BNC2: variants seen among roughly 807,000 people sequenced by gnomAD.
BNC2 encodes the protein zinc finger protein basonuclin-2.
BNC2 carries 20 observed loss-of-function variants against 76.3 expected under a neutral mutation model. That is an observed-to-expected ratio of 0.26 (90% CI 0.18 to 0.38). The LOEUF is 0.38. Among genes scored for constraint, BNC2 ranks in the 10% least tolerant of loss-of-function variants. The pLI is 1.00. For synonymous variants in BNC2, 582 were observed against 514.8 expected (o/e 1.13, Z -1.77); for missense variants, 1,382 against 1,399.8 (o/e 0.99, Z 0.20).
At chr9:16,821,921 G>A (rs891403682) in intron 1 of BNC2, among the ~76,000 whole-genome samples, 3 of 152,050 alleles carry the variant, frequency 2.0e-5, no homozygotes, top group African/African-American at 4.8e-5. Context: ...GTGAAACCCT[G>A]TCTCTACTAA....
chr9:16,666,153 T>A (rs929385090), intron 3 of BNC2, among the ~76,000 whole-genome samples: 26 of 152,188 alleles, frequency 1.7e-4, no homozygotes, highest in Admixed American at 3.3e-4. Context: ...TCATGTGGGT[T>A]TTTTAGAATA....
At chr9:16,495,967 G>C (rs1191728418) in intron 5 of BNC2, among the ~76,000 whole-genome samples, 2 of 149,906 alleles carry the variant, frequency 1.3e-5, no homozygotes, top group Non-Finnish European at 3.0e-5. Flanking sequence ...GAAATGCAAT[G>C]GTGTGATCTT....
chr9:16,609,335 G>A (rs1032728820), intron 3 of BNC2, among the ~76,000 whole-genome samples: 3 of 152,024 alleles, frequency 2.0e-5, no homozygotes, highest in South Asian at 2.1e-4. Context: ...TTCCAATAGA[G>A]GGGGGGAAAC....
chr9:16,623,967 C>T (rs146434088), intron 3 of BNC2, among the ~76,000 whole-genome samples: 1 of 152,270 alleles, frequency 6.6e-6, no homozygotes, highest in Non-Finnish European at 1.5e-5. Context: ...TCATATTGAT[C>T]TCAAAAGATC....
chr9:16,439,258 A>C (rs1821079844), intron 5 of BNC2, among the ~76,000 whole-genome samples: 1 of 152,144 alleles, frequency 6.6e-6, no homozygotes, highest in Non-Finnish European at 1.5e-5. Flanking sequence ...ACATTGTAAA[A>C]ATTTTACAAC....
At chr9:16,704,681 T>G (rs77087722) in intron 3 of BNC2, 2 of 10,632 alleles carry the variant, frequency 1.9e-4, no homozygotes, top group South Asian at 2.3e-3. Flanking sequence ...AGAGAAATGG[T>G]TTTTTTTTTT....
chr9:16,573,835 A>T lies in BNC2; in HGVS notation c.433+9148T>A, dbSNP rs565954582. Among the ~76,000 whole-genome samples, 11 of 152,360 alleles carry T rather than the reference A, an allele frequency of 7.2e-5. No individual in the cohort carries two copies. In the South Asian group the frequency reaches 2.3e-3, roughly 32 times the overall value. Reference sequence around the variant, plus strand: ...TGCGAACTAATAACAAATTAATTCAAGAACCTTTTGAAGATATATAAACAT... The same window carrying T: ...TGCGAACTAATAACAAATTAATTCATGAACCTTTTGAAGATATATAAACAT... On this transcript the variant is annotated intron_variant, in intron 4 of 6. Coordinates refer to ENST00000380672, the MANE Select transcript of BNC2 (RefSeq NM_017637.6).
chr9:16,741,393 C>T (rs183972223), intron 1 of BNC2, among the ~76,000 whole-genome samples: 1 of 151,514 alleles, frequency 6.6e-6, no homozygotes, highest in Non-Finnish European at 1.5e-5. Flanking sequence ...GTGGAGGTTG[C>T]GGTGAGCCGA....
chr9:16,689,153 A>C (rs906154073), intron 3 of BNC2, among the ~76,000 whole-genome samples: 1 of 138,372 alleles, frequency 7.2e-6, no homozygotes, highest in Non-Finnish European at 1.5e-5. Flanking sequence ...CTCTTTGTTT[A>C]CTGAGATCAC....
intron 1 of BNC2, among the ~76,000 whole-genome samples, chr9:16,819,893 G>C (rs1441120172): frequency 6.6e-6 from 1 of 151,962 alleles, no homozygotes; most frequent in Non-Finnish European, 1.5e-5. Flanking sequence ...GGGAGGGCAA[G>C]GCAGGAGGAT....
intron 1 of BNC2, among the ~76,000 whole-genome samples, chr9:16,857,020 A>G (rs1016006951): frequency 2.0e-5 from 3 of 152,228 alleles, no homozygotes; most frequent in East Asian, 1.9e-4. Flanking sequence ...CAGTCCATAC[A>G]TATAAAACAT....
intron 1 of BNC2, among the ~76,000 whole-genome samples, chr9:16,809,633 C>A (rs890160533): frequency 2.6e-5 from 4 of 152,002 alleles, no homozygotes; most frequent in Non-Finnish European, 4.4e-5. Context: ...TGAGTATTAG[C>A]TGGGTGTGGT....
At chr9:16,523,770 C>CA (rs1307227625) in intron 5 of BNC2, among the ~76,000 whole-genome samples, 1 of 151,734 alleles carries the variant, frequency 6.6e-6, no homozygotes, top group Non-Finnish European at 1.5e-5. Flanking sequence ...ACTAAAAATA[C>CA]AAAAAATTAG....
At chr9:16,664,334 G>A (rs896365665) in intron 3 of BNC2, among the ~76,000 whole-genome samples, 12 of 152,124 alleles carry the variant, frequency 7.9e-5, no homozygotes, top group African/African-American at 2.7e-4. Flanking sequence ...CCCTAATGCT[G>A]CACTTTGCCC....
Position 16,419,514 on chromosome 9 carries a change from G to A in BNC2, c.2775C>T (p.His925=), listed in dbSNP as rs576728040. ...EFLVKIYGAQ[H]PMGLDVREDA... ...CTTCCCTGACATCGAGCCCCATGGG[G>A]TGCTGGGCACCATATATCTTCACCA... The change falls in exon 7 of 7, where the codon CAC becomes CAT. Residue 925 remains histidine, a synonymous_variant. Transcript: ENST00000380672. 6.2e-7 allele frequency: 1 copy of A among 1,614,136 alleles called. No homozygotes were observed. The highest frequency in any genetic ancestry group is 1.3e-5 in the African/African-American group (1 of 75,036).
At chr9:16,833,162 T>C (rs1409930577) in intron 1 of BNC2, among the ~76,000 whole-genome samples, 2 of 152,116 alleles carry the variant, frequency 1.3e-5, no homozygotes, top group Non-Finnish European at 2.9e-5. Context: ...AATCCACCCT[T>C]CTCTTGCCAC....
intron 3 of BNC2, chr9:16,704,796 G>C (rs1186379283): frequency 6.6e-6 from 1 of 151,784 alleles, no homozygotes; most frequent in Non-Finnish European, 1.5e-5. Flanking sequence ...AAGGTTAACA[G>C]ATCAGTCCTG....
At chr9:16,742,434 T>C (rs2135175222) in intron 1 of BNC2, among the ~76,000 whole-genome samples, 1 of 152,350 alleles carries the variant, frequency 6.6e-6, no homozygotes, top group East Asian at 1.9e-4. Context: ...TCAGCACTTC[T>C]AGTCCAGAAT....
At chr9:16,757,497 C>T (rs1184355488) in intron 1 of BNC2, among the ~76,000 whole-genome samples, 2 of 152,114 alleles carry the variant, frequency 1.3e-5, no homozygotes, top group East Asian at 3.8e-4. Flanking sequence ...TGACAGAAAT[C>T]GAAATGTGAG....
Sources: gnomAD v4.1 joint callset for allele counts (sites outside exome capture counted in the v4.1 genomes callset) on GRCh38, gnomAD v4.1.1 for gene constraint, MANE v1.5 for transcripts, NCBI Gene and HGNC (gene_info 2026-07-23, HGNC 2026-07-21) for gene names.